The following ARID3B variants were observed in gnomAD, a reference collection of about 807,000 sequenced individuals.
ARID3B encodes the protein AT-rich interaction domain 3B.
Under a neutral mutation model 51.9 loss-of-function variants are expected in ARID3B, and 10 were observed. The observed-to-expected ratio is 0.19, with a 90% CI of 0.12 to 0.33. ARID3B has a LOEUF of 0.33. Among genes scored for constraint, ARID3B ranks in the 10% least tolerant of loss-of-function variants. The probability of loss-of-function intolerance (pLI) is 1.00; values close to 1 mark genes in which losing one functional copy is unlikely to be tolerated. For missense variants in ARID3B, 483 were observed against 716.3 expected (o/e 0.67, Z 3.72); for synonymous variants, 205 against 279.5 (o/e 0.73, Z 2.66).
intron 8 of ARID3B, 22 bp downstream of exon 8, chr15:74,593,258 G>A (rs2061810682): frequency 1.2e-6 from 2 of 1,604,172 alleles, no homozygotes; most frequent in Non-Finnish European, 1.7e-6. Context: ...GAGCTCTGGG[G>A]GAGGCCCACG....
chr15:74,581,513 T>C (rs1567124760), intron 4 of ARID3B, among the ~76,000 whole-genome samples: 1 of 152,250 alleles, frequency 6.6e-6, no homozygotes, highest in Non-Finnish European at 1.5e-5. Context: ...CTTCATTTTC[T>C]AACTTTATCC....
chr15:74,581,346 C>T (rs2061761169), intron 4 of ARID3B, among the ~76,000 whole-genome samples: 1 of 152,240 alleles, frequency 6.6e-6, no homozygotes, highest in African/African-American at 2.4e-5. Context: ...CTATCCATCT[C>T]AGGCAAGGAA....
chr15:74,592,206 T>C (rs1444364174), intron 7 of ARID3B, among the ~76,000 whole-genome samples: 2 of 152,198 alleles, frequency 1.3e-5, no homozygotes, highest in South Asian at 2.1e-4. Flanking sequence ...TTCCTGAGGC[T>C]CAGCGAGGGG....
intron 7 of ARID3B, among the ~76,000 whole-genome samples, chr15:74,592,455 G>C (rs2061807317): frequency 6.6e-6 from 1 of 152,226 alleles, no homozygotes; most frequent in Non-Finnish European, 1.5e-5. Flanking sequence ...AGGTGTGAAG[G>C]GAGCTATACA....
At chr15:74,548,676 C>T (rs1596249600) in intron 2 of ARID3B, among the ~76,000 whole-genome samples, 1 of 152,170 alleles carries the variant, frequency 6.6e-6, no homozygotes, top group Admixed American at 6.5e-5. Flanking sequence ...CAGGGTATTA[C>T]CAATTTCAAA....
Position 74,591,648 on chromosome 15 carries a change from C to T in ARID3B, c.1254C>T (p.Thr418=), listed in dbSNP as rs761845082. 81 of 1,604,560 alleles carry T rather than the reference C, an allele frequency of 5.0e-5. No individual in the cohort carries two copies. The highest frequency in any genetic ancestry group is 6.4e-5 in the Non-Finnish European group (75 of 1,175,614). The change falls in exon 7 of 9, where the codon ACC becomes ACT. Residue 418 remains threonine, a synonymous_variant. Coordinates refer to ENST00000346246, the MANE Select transcript of ARID3B (RefSeq NM_006465.4). This position sits in a 1 kb window ranked among gnomAD's most constrained non-coding sequence, Gnocchi z 5.8. ...TLASQQAGTR[T]AALEQLRERL... ...CAAGCCAGCAGGCTGGTACTCGGAC[C>T]GCCGCACTGGAGCAGCTGCGGGAGC...
chr15:74,562,778 G>C (rs961554079), intron 2 of ARID3B, among the ~76,000 whole-genome samples: 22 of 152,196 alleles, frequency 1.4e-4, no homozygotes, highest in African/African-American at 5.3e-4. Flanking sequence ...TCCAGTATGG[G>C]AATATGGGAG....
chr15:74,567,334 C>T (rs1037957359), intron 2 of ARID3B, among the ~76,000 whole-genome samples: 1 of 152,200 alleles, frequency 6.6e-6, no homozygotes, highest in Admixed American at 6.5e-5. Flanking sequence ...CTTCTACCTC[C>T]TGAGTACCTT....
At chr15:74,560,250 C>T (rs2061675188) in intron 2 of ARID3B, among the ~76,000 whole-genome samples, 1 of 151,186 alleles carries the variant, frequency 6.6e-6, no homozygotes, top group Non-Finnish European at 1.5e-5. Context: ...CTTTTATCAC[C>T]TAACAGGCCT....
chr15:74,597,141 C>G lies in ARID3B; in HGVS notation c.*1367C>G, dbSNP rs973323492. 1.6e-4 allele frequency: 41 copies of G among 250,996 alleles called. No homozygotes were observed. The highest frequency in any genetic ancestry group is 1.1e-3 in the Middle Eastern group (1 of 876). 15.5% of individuals were successfully genotyped at this position (250,996 alleles called of 1,614,324 possible). On this transcript the variant is annotated 3_prime_UTR_variant, in exon 9 of 9. Coordinates refer to ENST00000346246, the MANE Select transcript of ARID3B (RefSeq NM_006465.4). ...CAGGCAGGCTGGGGTCCTCGCTGGCCTTGCCAGAGGTTGAGCCGCCCCAGG... is the reference window on the plus strand; with the variant it reads ...CAGGCAGGCTGGGGTCCTCGCTGGCGTTGCCAGAGGTTGAGCCGCCCCAGG...
Position 74,583,660 on chromosome 15 carries a change from C to T in ARID3B, c.698-6160C>T, listed in dbSNP as rs563444525. 8.2e-4 allele frequency among the ~76,000 whole-genome samples: 124 copies of T among 151,108 alleles called. 1 individual carries two copies. Among genetic ancestry groups the T allele is most frequent in the African/African-American group, 2.9e-3 (119 of 41,098 alleles). On this transcript the variant is annotated intron_variant, in intron 4 of 8. Transcript: ENST00000346246. Reference sequence around the variant, plus strand: ...TGAACCTGGGAGGTGGAGTTTGCAGCGAGCCAAGATCACACTACTGCACTC... The same window carrying T: ...TGAACCTGGGAGGTGGAGTTTGCAGTGAGCCAAGATCACACTACTGCACTC...
chr15:74,572,385 G>A (rs1035263311), intron 2 of ARID3B, among the ~76,000 whole-genome samples: 4 of 152,208 alleles, frequency 2.6e-5, no homozygotes, highest in African/African-American at 9.6e-5. Flanking sequence ...GCTTGACTAA[G>A]AGACCAACTT....
chr15:74,589,846 A>G lies in ARID3B; in HGVS notation c.724A>G (p.Met242Val), dbSNP rs760903389. ...RGTPINRIPI[M>V]AKQILDLYML... ...GACCCCCATCAACCGAATCCCCATC[A>G]TGGCCAAACAGATCCTGGACCTGTA... The change falls in exon 5 of 9, where the codon ATG (methionine) becomes GTG (valine). Residue 242 changes from methionine to valine, a missense_variant. Met to Val is a conservative substitution (Grantham distance 21). This residue lies in a region of ARID3B where 36 missense variants were observed against 117.5 expected (regional missense o/e 0.31). Transcript: ENST00000346246. 1 of 1,612,396 alleles carries G rather than the reference A, an allele frequency of 6.2e-7. No individual in the cohort carries two copies. Among genetic ancestry groups the G allele is most frequent in the Non-Finnish European group, 8.5e-7 (1 of 1,178,880 alleles).
chr15:74,575,808 T>A (rs2061735486), intron 4 of ARID3B, among the ~76,000 whole-genome samples: 1 of 152,222 alleles, frequency 6.6e-6, no homozygotes, highest in African/African-American at 2.4e-5. Flanking sequence ...GTCTGCCACT[T>A]GTTACTTTAA....
At chr15:74,562,405 T>A (rs955592136) in intron 2 of ARID3B, among the ~76,000 whole-genome samples, 3 of 152,218 alleles carry the variant, frequency 2.0e-5, no homozygotes, top group African/African-American at 7.2e-5. Flanking sequence ...CCTCCCAAAC[T>A]GCTGGGATTA....
chr15:74,546,010 C>T (rs537401797), intron 2 of ARID3B, among the ~76,000 whole-genome samples: 2 of 152,268 alleles, frequency 1.3e-5, no homozygotes, highest in African/African-American at 4.8e-5. Flanking sequence ...TAATAGTGCC[C>T]GGGGGAGCTC....
rs1253469573 is a variant in ARID3B, at chr15:74,591,254, C to T, written c.985C>T (p.Pro329Ser). 4 of 1,613,880 alleles carry T rather than the reference C, an allele frequency of 2.5e-6. No individual in the cohort carries two copies. The highest frequency in any genetic ancestry group is 1.7e-5 in the Admixed American group (1 of 59,996). Residue 329 changes from proline to serine, a missense_variant, in exon 6 of 9, where the codon CCC (proline) becomes TCC (serine). Physicochemically the swap from Pro to Ser is moderately conservative, Grantham distance 74. Transcript: ENST00000346246. The surrounding 1 kb of genome is among the most constrained non-coding windows in gnomAD (Gnocchi z 5.8). ...IDGNRREGRR[P>S]SYSSSLFGYS... ...TGGCAACCGCAGGGAGGGCCGGCGG[C>T]CCAGCTACAGCTCCTCCCTCTTTGG...
intron 1 of ARID3B, among the ~76,000 whole-genome samples, chr15:74,541,626 G>A (rs912692857): frequency 2.6e-5 from 4 of 151,938 alleles, no homozygotes; most frequent in African/African-American, 9.7e-5. Context: ...CAGCGGATTG[G>A]CTGGGAGGGT....
chr15:74,549,994 A>T (rs1306068470), intron 2 of ARID3B, among the ~76,000 whole-genome samples: 2 of 152,258 alleles, frequency 1.3e-5, no homozygotes, highest in Admixed American at 6.5e-5. Flanking sequence ...GCAACCAGAA[A>T]GAACATAAGC....
Sources: allele counts gnomAD v4.1 joint callset (sites outside exome capture counted in the v4.1 genomes callset), GRCh38; gene constraint gnomAD v4.1.1; regional missense constraint gnomAD v4.1.1; non-coding constraint Gnocchi (gnomAD v3.1); transcripts MANE v1.5; gene names NCBI Gene and HGNC (gene_info 2026-07-23, HGNC 2026-07-21).